Variants in MAD1L1 observed in about 807,000 individuals in gnomAD.
MAD1L1 encodes mitotic arrest deficient 1 like 1.
In MAD1L1, 95 loss-of-function variants were observed where a neutral mutation model predicts 96.9. The observed-to-expected ratio is 0.98, with a 90% CI of 0.83 to 1.16. The LOEUF is 1.16. Ranked by LOEUF, MAD1L1 falls within the 50% of genes most tolerant of loss-of-function variation. MAD1L1 has a pLI of 0.00. For missense variants in MAD1L1, 1,007 were observed against 954.4 expected, an observed-to-expected ratio of 1.06 and a Z score of -0.73; for synonymous variants, 473 against 396.6, an observed-to-expected ratio of 1.19 and a Z score of -2.29.
chr7:1,944,248 T>C (rs1248926267), intron 16 of MAD1L1, among the ~76,000 whole-genome samples: 1 of 152,102 alleles, frequency 6.6e-6, no homozygotes, highest in African/African-American at 2.4e-5. Context: ...AACTAGAGGG[T>C]TCGGGCTTCC....
At chr7:2,196,819 C>T (rs1004513514) in intron 10 of MAD1L1, among the ~76,000 whole-genome samples, 1 of 152,214 alleles carries the variant, frequency 6.6e-6, no homozygotes. Context: ...ACTCTCACTA[C>T]AACGCGGCTG....
At position 2,014,576 on chromosome 7, in the gene MAD1L1, G is replaced by A; in HGVS notation, c.1285C>T (p.Pro429Ser). The A allele has an allele frequency of 6.2e-7, 1 of 1,612,350 alleles. No individual in the cohort carries two copies. The highest frequency in any genetic ancestry group is 1.1e-5 in the South Asian group (1 of 90,996). Residue 429 changes from proline (P) to serine (S), a missense_variant, in exon 13 of 19, where the codon CCC becomes TCC. Transcript: ENST00000265854. ...DSELTPAEYS[P>S]QLTRRMREAE... ...TCCCGCATGCGCCGCGTCAGCTGGG[G>A]TGAGTACTCGGCCGGGGTCAGCTCG...
chr7:2,045,051 T>A (rs560575737), intron 12 of MAD1L1, among the ~76,000 whole-genome samples: 2 of 152,282 alleles, frequency 1.3e-5, no homozygotes, highest in East Asian at 3.9e-4. Context: ...CAGGGCGCCC[T>A]GACGGCAAGC....
At chr7:1,843,850 T>A (rs10807752) in intron 18 of MAD1L1, among the ~76,000 whole-genome samples, 1 of 151,660 alleles carries the variant, frequency 6.6e-6, no homozygotes, top group East Asian at 1.9e-4. Flanking sequence ...GAGCTCCGAA[T>A]GATTTTAGTG....
chr7:1,851,187 G>C (rs1404510539), intron 18 of MAD1L1, among the ~76,000 whole-genome samples: 1 of 152,204 alleles, frequency 6.6e-6, no homozygotes, highest in Non-Finnish European at 1.5e-5. Flanking sequence ...CCCATGCCCA[G>C]ACCAGAGCGG....
chr7:1,888,028 T>C (rs1431777554), intron 18 of MAD1L1, among the ~76,000 whole-genome samples: 8 of 146,594 alleles, frequency 5.5e-5, no homozygotes, highest in African/African-American at 2.1e-4. Context: ...TGTGCATGCG[T>C]GAGACTGAGC....
chr7:2,169,972 G>C (rs1790635584), intron 10 of MAD1L1, among the ~76,000 whole-genome samples: 1 of 152,226 alleles, frequency 6.6e-6, no homozygotes, highest in African/African-American at 2.4e-5. Context: ...GGTTGCGGAA[G>C]GCTTCCTGAG....
At chr7:1,984,840 G>A (rs1049693404) in intron 14 of MAD1L1, among the ~76,000 whole-genome samples, 24 of 152,180 alleles carry the variant, frequency 1.6e-4, no homozygotes, top group Non-Finnish European at 2.9e-5. Context: ...TTTCGATTTT[G>A]TAGCTTTTAC....
intron 11 of MAD1L1, among the ~76,000 whole-genome samples, chr7:2,129,597 A>G (rs1299210682): frequency 2.6e-5 from 4 of 152,198 alleles, no homozygotes; most frequent in African/African-American, 4.8e-5. Flanking sequence ...GAGCACACAC[A>G]CGATCCCATC....
At position 2,142,517 on chromosome 7, in the gene MAD1L1, AC is replaced by A. The variant is rs903249211; in HGVS notation, c.1073+6634del. ...GATCACGCGGGTTCTCTGCTGCCGG[AC>A]GGAGCGCCCCTAGCTGCCACTGAGC... is the stretch of plus-strand genomic sequence containing the variant. On this transcript the variant is annotated intron_variant, in intron 11 of 18. Transcript: ENST00000265854. The surrounding 1 kb of genome is among the most constrained non-coding windows in gnomAD (Gnocchi z 4.7). 6.6e-5 allele frequency among the ~76,000 whole-genome samples: 10 copies of A among 152,290 alleles called. No homozygotes were observed. The highest frequency in any genetic ancestry group is 2.4e-4 in the African/African-American group (10 of 41,580).
chr7:2,111,037 G>A (rs138083353), intron 11 of MAD1L1, among the ~76,000 whole-genome samples: 87 of 152,338 alleles, frequency 5.7e-4, no homozygotes, highest in African/African-American at 2.0e-3. Context: ...GGAAGCAGCA[G>A]GGTACAAAGA....
In MAD1L1 at chr7:1,898,231, G is replaced by T. The variant is rs1201226915; in HGVS notation, c.1967C>A (p.Ala656Asp). ...ENQYRLTSLY[A>D]EHPGDCLIFK... ...GATGAGGCAGTCGCCTGGGTGCTCG[G>T]CGTACAGCGAGGTCAGCCGGTACTG... Residue 656 changes from alanine to aspartate, a missense_variant, in exon 18 of 19, where the codon GCC (alanine) becomes GAC (aspartate). Transcript: ENST00000265854. The T allele has an allele frequency of 6.2e-7, 1 of 1,613,364 alleles. No homozygotes were observed. Among genetic ancestry groups the T allele is most frequent in the Non-Finnish European group, 8.5e-7 (1 of 1,179,734 alleles).
chr7:2,202,685 A>G (rs1438621476), intron 10 of MAD1L1, among the ~76,000 whole-genome samples: 1 of 152,190 alleles, frequency 6.6e-6, no homozygotes, highest in African/African-American at 2.4e-5. Flanking sequence ...AACATACCTG[A>G]CAGTCGCCCA....
Position 2,225,556 on chromosome 7 carries a change from C to G in MAD1L1, c.151-6G>C, listed in dbSNP as rs748805904. 60 of 1,612,720 alleles carry G rather than the reference C, an allele frequency of 3.7e-5. No individual in the cohort carries two copies. In the Admixed American group the frequency reaches 9.8e-4, roughly 26 times the overall value. On this transcript the variant is annotated splice_polypyrimidine_tract_variant and splice_region_variant and intron_variant, in intron 3 of 18. Transcript: ENST00000265854. ...TGCTCTGCTCTTTCCTCCAGCTGAG[C>G]AGGTCGCACCCAAAGAAAAACAGAA... is the stretch of plus-strand genomic sequence containing the variant.
At chr7:2,115,433 C>T (rs147453828) in intron 11 of MAD1L1, among the ~76,000 whole-genome samples, 1 of 141,754 alleles carries the variant, frequency 7.1e-6, no homozygotes. Context: ...AGAGGAGGTG[C>T]TGGACAGGGT....
At position 1,968,778 on chromosome 7, in the gene MAD1L1, G is replaced by C. The variant is rs1023406157; in HGVS notation, c.1506-11059C>G. Among the ~76,000 whole-genome samples the C allele has an allele frequency of 1.3e-5, 2 of 152,236 alleles. No individual in the cohort carries two copies. Among genetic ancestry groups the C allele is most frequent in the African/African-American group, 4.8e-5 (2 of 41,458 alleles). On this transcript the variant is annotated intron_variant, in intron 15 of 18. Transcript: ENST00000265854. This position sits in a 1 kb window ranked among gnomAD's most constrained non-coding sequence, Gnocchi z 5.6. ...CATCACACAAGCTCGCTTCGGGGGC[G>C]TTCTAGGGACTCCTAAACATACTGA...
chr7:2,148,298 G>C (rs1310209331), intron 11 of MAD1L1: 1 of 152,662 alleles, frequency 6.6e-6, no homozygotes, highest in Non-Finnish European at 1.5e-5. Flanking sequence ...ACAGACCCAC[G>C]GCCTGGTCAG....
At chr7:2,139,036 G>A (rs550765477) in intron 11 of MAD1L1, among the ~76,000 whole-genome samples, 13 of 152,226 alleles carry the variant, frequency 8.5e-5, no homozygotes, top group East Asian at 5.8e-4. Context: ...CAGGACAAGC[G>A]GTCTTCCTCC....
intron 18 of MAD1L1, among the ~76,000 whole-genome samples, chr7:1,820,797 G>C (rs1236630156): frequency 6.6e-6 from 1 of 151,924 alleles, no homozygotes; most frequent in Non-Finnish European, 1.5e-5. Context: ...TGGCAAAACT[G>C]ACAAAGATTA....
Sources: gnomAD v4.1 joint callset for allele counts (sites outside exome capture counted in the v4.1 genomes callset) on GRCh38, gnomAD v4.1.1 for gene constraint, Gnocchi (gnomAD v3.1) non-coding constraint, MANE v1.5 for transcripts, NCBI Gene and HGNC (gene_info 2026-07-23, HGNC 2026-07-21) for gene names.